The following SNRPB2 variants were observed in gnomAD, a reference collection of about 807,000 sequenced individuals.
The protein encoded by SNRPB2 is U2 small nuclear ribonucleoprotein B''.
A neutral mutation model predicts 26.3 loss-of-function variants in SNRPB2; 16 were observed. The observed-to-expected ratio is 0.61, with a 90% CI of 0.41 to 0.92. The LOEUF (loss-of-function observed/expected upper bound fraction) is 0.92, where lower values mean the gene tolerates loss of function less well. SNRPB2 is among the 40% of genes least tolerant of loss of function. SNRPB2 has a pLI of 0.00. For synonymous variants in SNRPB2, 75 were observed against 89.0 expected, an observed-to-expected ratio of 0.84 and a Z score of 0.88; for missense variants, 179 against 268.1, an observed-to-expected ratio of 0.67 and a Z score of 2.32.
At chr20:16,733,869 C>G (rs1285664750) in intron 3 of SNRPB2, among the ~76,000 whole-genome samples, 2 of 152,140 alleles carry the variant, frequency 1.3e-5, no homozygotes, top group Non-Finnish European at 2.9e-5. Context: ...AAAGCCTATC[C>G]CAGGAAACTG....
At position 16,741,036 on chromosome 20, in the gene SNRPB2, G is replaced by C. The variant is rs771320672; in HGVS notation, c.*31G>C. Reference sequence around the variant, plus strand: ...GGGATAGTCGTCTTTAAAAGACTTGGTGTTATTTACAGTGTTTGTTTTGAT... The same window carrying C: ...GGGATAGTCGTCTTTAAAAGACTTGCTGTTATTTACAGTGTTTGTTTTGAT... On this transcript the variant is annotated 3_prime_UTR_variant, in exon 7 of 7. Transcript: ENST00000246071. The C allele has an allele frequency of 1.3e-6, 2 of 1,527,866 alleles. No homozygotes were observed. The highest frequency in any genetic ancestry group is 4.5e-5 in the East Asian group (2 of 44,062). The allele number at this position is 1,527,866 out of a possible 1,614,324, so 94.6% of individuals were successfully genotyped here.
intron 4 of SNRPB2, 49 bp from the exon 5 acceptor site, chr20:16,738,803 G>A (rs200970439): frequency 4.1e-5 from 42 of 1,036,810 alleles, no homozygotes; most frequent in East Asian, 7.1e-5. Flanking sequence ...TACCTGCTGC[G>A]TTTTTGGAGG....
chr20:16,732,278 G>A lies in SNRPB2; in HGVS notation c.179G>A (p.Gly60Asp). The change falls in exon 3 of 7, where the codon GGC becomes GAC. Residue 60 changes from glycine (G) to aspartate (D), a missense_variant. Coordinates refer to ENST00000246071, the MANE Select transcript of SNRPB2 (RefSeq NM_003092.5). Reference sequence around the variant, plus strand: ...GCCTTTGTCATATTTAAGGAACTGGGCTCATCCACAAATGCCTTGAGACAG... The same window carrying A: ...GCCTTTGTCATATTTAAGGAACTGGACTCATCCACAAATGCCTTGAGACAG... The part of the protein sequence containing the change: ...GQAFVIFKEL[G>D]SSTNALRQLQ... 1.2e-6 allele frequency: 2 copies of A among 1,603,542 alleles called. No individual in the cohort carries two copies. The highest frequency in any genetic ancestry group is 2.2e-5 in the East Asian group (1 of 44,588).
At chr20:16,740,453 C>T (rs758441671) in intron 6 of SNRPB2, 40 bp downstream of exon 6, 21 of 1,604,836 alleles carry the variant, frequency 1.3e-5, no homozygotes, top group Non-Finnish European at 1.6e-5. Context: ...TGAGAGCTTC[C>T]TCACAGGACA....
intron 3 of SNRPB2, 58 bp downstream of exon 3, chr20:16,732,394 T>C: frequency 1.1e-6 from 1 of 901,416 alleles, no homozygotes. Context: ...GATGGGACAG[T>C]AGATTTGTAA....
At chr20:16,730,912 T>G (rs2072385540) in intron 1 of SNRPB2, 2 of 147,034 alleles carry the variant, frequency 1.4e-5, no homozygotes, top group African/African-American at 5.0e-5. Flanking sequence ...TGGTAATAGC[T>G]GTTAATAATA....
chr20:16,735,197 T>G (rs1267976085), intron 3 of SNRPB2, among the ~76,000 whole-genome samples: 1 of 151,940 alleles, frequency 6.6e-6, no homozygotes, highest in African/African-American at 2.4e-5. Context: ...AATTCTTTGC[T>G]TTGTAATCCA....
In SNRPB2 at chr20:16,741,642, C is replaced by T. The variant is rs1052775318; in HGVS notation, c.*637C>T. Reference sequence around the variant, plus strand: ...ACTTTGCATTTAATGCTGTTTCCTTCATGAGGCAGGACTGTTCTAAGGTTA... The same window carrying T: ...ACTTTGCATTTAATGCTGTTTCCTTTATGAGGCAGGACTGTTCTAAGGTTA... On this transcript the variant is annotated 3_prime_UTR_variant, in exon 7 of 7. Coordinates refer to ENST00000246071, the MANE Select transcript of SNRPB2 (RefSeq NM_003092.5). 4 of 152,204 alleles carry T rather than the reference C, an allele frequency of 2.6e-5. No individual in the cohort carries two copies. The highest frequency in any genetic ancestry group is 9.7e-5 in the African/African-American group (4 of 41,448). The allele number at this position is 152,204 out of a possible 1,614,324, so 9.4% of individuals were successfully genotyped here. A position where few individuals can be genotyped will look rare whatever the true frequency, so the allele number is the denominator to read the frequency against.
chr20:16,739,341 C>A (rs564267733), intron 5 of SNRPB2, among the ~76,000 whole-genome samples: 1 of 152,132 alleles, frequency 6.6e-6, no homozygotes, highest in Non-Finnish European at 1.5e-5. Flanking sequence ...GCTCTCACTT[C>A]CTGAACACAA....
rs763041649 is a variant in SNRPB2, at chr20:16,738,878, A to G, written c.405A>G (p.Gln135=). ...GAACTCCAAATTCAGCTAATACCCA[A>G]GGAAATTCAACACCAAATCCTCAGG... ...GQGTPNSANT[Q]GNSTPNPQVP... The change falls in exon 5 of 7, where the codon CAA becomes CAG. Residue 135 remains glutamine, a synonymous_variant. Coordinates refer to ENST00000246071, the MANE Select transcript of SNRPB2 (RefSeq NM_003092.5). The G allele has an allele frequency of 1.2e-6, 2 of 1,606,750 alleles. No homozygotes were observed. Among genetic ancestry groups the G allele is most frequent in the South Asian group, 2.2e-5 (2 of 90,938 alleles).
chr20:16,738,746 T>G, intron 4 of SNRPB2, 106 bp from the exon 5 acceptor site: 1 of 705,062 alleles, frequency 1.4e-6, no homozygotes, highest in South Asian at 1.6e-5. Context: ...AAGAAGGATA[T>G]CTCTTGGAAT....
intron 1 of SNRPB2, chr20:16,730,775 A>T (rs1337390196): frequency 6.6e-6 from 1 of 152,272 alleles, no homozygotes; most frequent in African/African-American, 2.4e-5. Flanking sequence ...CACAATTTGC[A>T]AGTAAAAACC....
intron 1 of SNRPB2, chr20:16,730,467 C>T (rs2072382261): frequency 1.3e-5 from 2 of 152,256 alleles, no homozygotes; most frequent in African/African-American, 4.8e-5. Context: ...ACGATCAAAC[C>T]TCGCATGAAA....
chr20:16,731,519 C>T (rs1444607824), intron 1 of SNRPB2, 149 bp from the exon 2 acceptor site: 1 of 662,514 alleles, frequency 1.5e-6, no homozygotes, highest in African/African-American at 1.9e-5. Flanking sequence ...AAAAGGAGGG[C>T]TAGTAGGTGC....
Position 16,730,162 on chromosome 20 carries a change from G to T in SNRPB2, c.-38G>T, listed in dbSNP as rs1007931154. On this transcript the variant is annotated splice_region_variant and 5_prime_UTR_variant, in exon 1 of 7. Transcript: ENST00000246071. ...CTGGGAGCGGACGAAGCGCGAAGCT[G>T]GGGTGGGTACGCGTTTGGCCCGGGT... 2.6e-5 allele frequency: 4 copies of T among 152,404 alleles called. No individual in the cohort carries two copies. The highest frequency in any genetic ancestry group is 9.7e-5 in the African/African-American group (4 of 41,432). 9.4% of individuals were successfully genotyped at this position (152,404 alleles called of 1,614,324 possible). A position where few individuals can be genotyped will look rare whatever the true frequency, so the allele number is the denominator to read the frequency against.
chr20:16,742,014 A>ACT lies in SNRPB2; in HGVS notation c.*1009_*1010insCT, dbSNP rs2072465900. On this transcript the variant is annotated 3_prime_UTR_variant, in exon 7 of 7. Transcript: ENST00000246071. ...GTTCCTGTTTTAGTATTCCTTGAAC[A>ACT]AAACCTTTATCACTTGGAATTTTTA... is the stretch of plus-strand genomic sequence containing the variant. 6.6e-6 allele frequency: 1 copy of ACT among 152,154 alleles called. No individual in the cohort carries two copies. The highest frequency in any genetic ancestry group is 2.4e-5 in the African/African-American group (1 of 41,430). 9.4% of individuals were successfully genotyped at this position (152,154 alleles called of 1,614,324 possible).
Position 16,741,142 on chromosome 20 carries a change from G to A in SNRPB2, c.*137G>A. 1 of 570,538 alleles carries A rather than the reference G, an allele frequency of 1.8e-6. No individual in the cohort carries two copies. The highest frequency in any genetic ancestry group is 3.0e-6 in the Non-Finnish European group (1 of 330,014). 35.3% of individuals were successfully genotyped at this position (570,538 alleles called of 1,614,324 possible). A position where few individuals can be genotyped will look rare whatever the true frequency, so the allele number is the denominator to read the frequency against. On this transcript the variant is annotated 3_prime_UTR_variant, in exon 7 of 7. Transcript: ENST00000246071. Reference sequence around the variant, plus strand: ...TTTTGTGAAGGACTTAAATTATCCAGTGTTTCTTTAGCCTTGGTGAACTAT... The same window carrying A: ...TTTTGTGAAGGACTTAAATTATCCAATGTTTCTTTAGCCTTGGTGAACTAT...
At chr20:16,732,684 G>A (rs2072400488) in intron 3 of SNRPB2, among the ~76,000 whole-genome samples, 1 of 152,148 alleles carries the variant, frequency 6.6e-6, no homozygotes, top group Non-Finnish European at 1.5e-5. Context: ...GAGTCAAAGA[G>A]GAAATTCAGT....
Position 16,740,851 on chromosome 20 carries a change from C to T in SNRPB2, c.524C>T (p.Pro175Leu). Reference sequence around the variant, plus strand: ...ATTGTTTTTCTTCTTTATAGGTTCCCTGGCTTCAAGGAAGTACGTCTGGTA... The same window carrying T: ...ATTGTTTTTCTTCTTTATAGGTTCCTTGGCTTCAAGGAAGTACGTCTGGTA... The part of the protein sequence containing the change: ...MMLSMLFNQF[P>L]GFKEVRLVPG... Residue 175 changes from proline (P) to leucine (L), a missense_variant, in exon 7 of 7, where the codon CCT (proline) becomes CTT (leucine). By Grantham distance (98) the Pro-to-Leu change is moderately conservative (BLOSUM62 -3). Coordinates refer to ENST00000246071, the MANE Select transcript of SNRPB2 (RefSeq NM_003092.5). 6.2e-7 allele frequency: 1 copy of T among 1,608,926 alleles called. No homozygotes were observed.
Sources: allele counts gnomAD v4.1 joint callset (sites outside exome capture counted in the v4.1 genomes callset), GRCh38; gene constraint gnomAD v4.1.1; transcripts MANE v1.5; gene names NCBI Gene and HGNC (gene_info 2026-07-23, HGNC 2026-07-21).